Variants in MPP7 observed in about 807,000 individuals in gnomAD.
MPP7 encodes MAGUK p55 subfamily member 7.
A neutral mutation model predicts 76.5 loss-of-function variants in MPP7; 60 were observed. The ratio of observed to expected loss-of-function variants is 0.78; its 90% CI spans 0.64 to 0.97. The LOEUF (loss-of-function observed/expected upper bound fraction) is 0.97. MPP7 is among the 50% of genes least tolerant of loss of function. MPP7 has a pLI of 0.00. For missense variants in MPP7, 641 were observed against 694.0 expected (o/e 0.92, Z 0.86); for synonymous variants, 237 against 244.5 (o/e 0.97, Z 0.29).
chr10:28,094,368 G>A (rs920837908), intron 11 of MPP7, among the ~76,000 whole-genome samples: 1 of 152,110 alleles, frequency 6.6e-6, no homozygotes, highest in Non-Finnish European at 1.5e-5. Flanking sequence ...CAGAGGATCC[G>A]GACCAGTACC....
upstream of MPP7, among the ~76,000 whole-genome samples, chr10:28,306,422 G>A (rs1408763221): frequency 6.6e-6 from 1 of 152,120 alleles, no homozygotes; most frequent in African/African-American, 2.4e-5. Flanking sequence ...AGGCCAAGGT[G>A]GAAAGATTAC....
intron 1 of MPP7, among the ~76,000 whole-genome samples, chr10:28,331,855 A>G (rs907959299): frequency 6.6e-6 from 1 of 152,216 alleles, no homozygotes; most frequent in Non-Finnish European, 1.5e-5. Context: ...AATTACAAGC[A>G]TGAACCATCT....
At chr10:28,334,575 T>C (rs1203899403), upstream of MPP7, 1 of 152,242 alleles carries the variant, frequency 6.6e-6, no homozygotes, top group Non-Finnish European at 1.5e-5. Flanking sequence ...TTTGTTCTGA[T>C]ATAAATAATT....
intron 11 of MPP7, among the ~76,000 whole-genome samples, chr10:28,091,157 C>G (rs1459957998): frequency 6.6e-6 from 1 of 151,358 alleles, no homozygotes; most frequent in South Asian, 2.1e-4. Context: ...AAAAACAAAA[C>G]AAAACAAAAA....
intron 11 of MPP7, among the ~76,000 whole-genome samples, chr10:28,110,975 G>A (rs192306929): frequency 6.6e-6 from 1 of 152,250 alleles, no homozygotes; most frequent in East Asian, 1.9e-4. Context: ...TTTTGGTATT[G>A]TAACGTCAAG....
chr10:28,191,578 G>C (rs1837411958), intron 3 of MPP7, among the ~76,000 whole-genome samples: 2 of 152,122 alleles, frequency 1.3e-5, no homozygotes, highest in African/African-American at 4.8e-5. Context: ...TTGAGATTCT[G>C]GACTTTCAAA....
intron 1 of MPP7, among the ~76,000 whole-genome samples, chr10:28,242,007 G>T (rs1383533933): frequency 2.0e-5 from 3 of 152,132 alleles, no homozygotes; most frequent in Non-Finnish European, 4.4e-5. Flanking sequence ...CCACAGAAGT[G>T]CAAGTGTTTA....
intron 13 of MPP7, among the ~76,000 whole-genome samples, chr10:28,065,520 T>A (rs1851955414): frequency 6.6e-6 from 1 of 152,088 alleles, no homozygotes; most frequent in African/African-American, 2.4e-5. Context: ...GTGAAGGAGA[T>A]TCCAAGGGAA....
intron 1 of MPP7, among the ~76,000 whole-genome samples, chr10:28,294,726 C>T (rs1245405101): frequency 6.6e-6 from 1 of 152,134 alleles, no homozygotes; most frequent in Non-Finnish European, 1.5e-5. Flanking sequence ...ATTTTATATA[C>T]GTACTGTTTT....
At chr10:28,297,189 T>C (rs1402450341) in intron 1 of MPP7, among the ~76,000 whole-genome samples, 1 of 152,236 alleles carries the variant, frequency 6.6e-6, no homozygotes, top group East Asian at 1.9e-4. Context: ...ATAGAAGTTA[T>C]ATTTACAGTA....
chr10:28,058,771 T>C (rs1851662417), intron 14 of MPP7, among the ~76,000 whole-genome samples, 168 bp from the exon 15 acceptor site: 1 of 152,214 alleles, frequency 6.6e-6, no homozygotes. Flanking sequence ...TTTTAAAAAA[T>C]CTTTTATTAT....
intron 3 of MPP7, among the ~76,000 whole-genome samples, chr10:28,174,432 T>C (rs1427290037): frequency 1.3e-5 from 2 of 152,168 alleles, no homozygotes; most frequent in African/African-American, 4.8e-5. Context: ...CCTCTCTCTT[T>C]CTTGCTCCTT....
chr10:28,280,338 T>G (rs571509212), intron 1 of MPP7, among the ~76,000 whole-genome samples: 1 of 152,176 alleles, frequency 6.6e-6, no homozygotes, highest in East Asian at 1.9e-4. Flanking sequence ...CATATCCTCC[T>G]GCACACTTTA....
At chr10:28,097,034 G>A (rs1853602632) in intron 11 of MPP7, among the ~76,000 whole-genome samples, 1 of 151,856 alleles carries the variant, frequency 6.6e-6, no homozygotes, top group South Asian at 2.1e-4. Context: ...CTGTCATCCA[G>A]GCTGAAGTAA....
At chr10:28,103,231 G>C (rs986129535) in intron 11 of MPP7, among the ~76,000 whole-genome samples, 1 of 146,622 alleles carries the variant, frequency 6.8e-6, no homozygotes. Context: ...TGCATACGCT[G>C]TCTGGGGCCT....
intron 5 of MPP7, among the ~76,000 whole-genome samples, chr10:28,140,818 A>T (rs1835492324): frequency 6.6e-6 from 1 of 152,162 alleles, no homozygotes; most frequent in Non-Finnish European, 1.5e-5. Context: ...CTATCAAAAA[A>T]CTTTCCCCAG....
At chr10:28,072,414 T>C (rs1416323825) in intron 12 of MPP7, among the ~76,000 whole-genome samples, 2 of 152,296 alleles carry the variant, frequency 1.3e-5, no homozygotes, top group South Asian at 2.1e-4. Flanking sequence ...GTTGAAGTAA[T>C]GTGGGATGCA....
intron 1 of MPP7, among the ~76,000 whole-genome samples, chr10:28,286,141 G>A (rs891619548): frequency 6.6e-6 from 1 of 151,956 alleles, no homozygotes; most frequent in African/African-American, 2.4e-5. Flanking sequence ...TCAGGAGTTC[G>A]AGACCATTTT....
intron 1 of MPP7, among the ~76,000 whole-genome samples, chr10:28,253,048 T>C (rs1028101626): frequency 6.6e-6 from 1 of 152,072 alleles, no homozygotes; most frequent in African/African-American, 2.4e-5. Context: ...GCTGGGACTA[T>C]GAGCACGCAC....
Sources: gnomAD v4.1 joint callset for allele counts (sites outside exome capture counted in the v4.1 genomes callset) on GRCh38, gnomAD v4.1.1 for gene constraint, MANE v1.5 for transcripts, NCBI Gene and HGNC (gene_info 2026-07-23, HGNC 2026-07-21) for gene names.